Variants in MARCHF11 observed in about 807,000 individuals in gnomAD.
The protein encoded by MARCHF11 is E3 ubiquitin-protein ligase MARCHF11.
MARCHF11 carries 29 observed loss-of-function variants against 37.3 expected under a neutral mutation model. That is an observed-to-expected ratio of 0.78 (90% CI 0.58 to 1.06). MARCHF11 has a LOEUF of 1.06. Ranked by LOEUF, MARCHF11 falls within the 50% of genes least tolerant of loss-of-function variation. The probability of loss-of-function intolerance (pLI) is 0.00; values close to 1 mark genes in which losing one functional copy is unlikely to be tolerated. For synonymous variants in MARCHF11, 233 were observed against 228.0 expected, an observed-to-expected ratio of 1.02 and a Z score of -0.20; for missense variants, 482 against 533.4, an observed-to-expected ratio of 0.90 and a Z score of 0.95.
At chr5:16,073,974 C>T (rs1736476439) in intron 3 of MARCHF11, among the ~76,000 whole-genome samples, 1 of 152,164 alleles carries the variant, frequency 6.6e-6, no homozygotes, top group South Asian at 2.1e-4. Flanking sequence ...ATGAAACATT[C>T]TCCAAGATAG....
At chr5:16,129,806 G>C (rs543864079) in intron 2 of MARCHF11, among the ~76,000 whole-genome samples, 1 of 152,182 alleles carries the variant, frequency 6.6e-6, no homozygotes, top group South Asian at 2.1e-4. Flanking sequence ...AAATTCTTTT[G>C]TTTGAAATCA....
At position 16,067,750 on chromosome 5, in the gene MARCHF11, C is replaced by T. The variant is rs1579669578; in HGVS notation, c.930G>A (p.Lys310=). ...AGTGCAAATTCACAGCTCGCCAGCG[C>T]TTAAACACTCTGTAAACTGCAGCTC... The part of the protein sequence containing the change: ...HEGAAVYRVF[K]RWRAVNLHWD... Residue 310 remains lysine (K), a synonymous_variant, in exon 4 of 4, where the codon AAG becomes AAA. Transcript: ENST00000332432. The T allele has an allele frequency of 3.7e-6, 6 of 1,613,772 alleles. No homozygotes were observed. Among genetic ancestry groups the T allele is most frequent in the Non-Finnish European group, 5.1e-6 (6 of 1,179,818 alleles).
intron 2 of MARCHF11, among the ~76,000 whole-genome samples, chr5:16,169,979 G>C (rs1010569710): frequency 6.6e-6 from 1 of 152,186 alleles, no homozygotes. Context: ...CCAAGGCAAC[G>C]CAGGAAATTA....
At chr5:16,148,477 T>A (rs1737841640) in intron 2 of MARCHF11, among the ~76,000 whole-genome samples, 1 of 152,110 alleles carries the variant, frequency 6.6e-6, no homozygotes, top group Non-Finnish European at 1.5e-5. Flanking sequence ...TTGATCCTTG[T>A]ACAAAAGCAA....
At chr5:16,109,298 G>A (rs1737097749) in intron 2 of MARCHF11, among the ~76,000 whole-genome samples, 1 of 152,172 alleles carries the variant, frequency 6.6e-6, no homozygotes, top group Non-Finnish European at 1.5e-5. Flanking sequence ...CATGATTACA[G>A]GGCTAATGTT....
chr5:16,077,135 C>T (rs1446274404), intron 3 of MARCHF11, among the ~76,000 whole-genome samples: 2 of 152,138 alleles, frequency 1.3e-5, no homozygotes, highest in African/African-American at 2.4e-5. Context: ...CTATCAGTGT[C>T]TATCTTCTGT....
At chr5:16,147,268 C>T (rs1737814660) in intron 2 of MARCHF11, among the ~76,000 whole-genome samples, 1 of 152,248 alleles carries the variant, frequency 6.6e-6, no homozygotes, top group Non-Finnish European at 1.5e-5. Context: ...CTAAAGCCAG[C>T]TGACATTTAC....
chr5:16,108,196 T>C (rs1737077319), intron 2 of MARCHF11, among the ~76,000 whole-genome samples: 1 of 152,080 alleles, frequency 6.6e-6, no homozygotes, highest in Non-Finnish European at 1.5e-5. Context: ...CTAGACATAA[T>C]CAGAGCTGGA....
At chr5:16,117,472 C>A (rs1339161396) in intron 2 of MARCHF11, among the ~76,000 whole-genome samples, 5 of 152,176 alleles carry the variant, frequency 3.3e-5, no homozygotes, top group South Asian at 2.1e-4. Context: ...TTCATTTACA[C>A]CTCTGGAGAA....
Position 16,148,007 on chromosome 5 carries a change from G to T in MARCHF11, c.693+29719C>A, listed in dbSNP as rs547725904. 7.9e-5 allele frequency among the ~76,000 whole-genome samples: 12 copies of T among 152,166 alleles called. No homozygotes were observed. In the South Asian group the frequency reaches 2.5e-3, roughly 32 times the overall value. On this transcript the variant is annotated intron_variant, in intron 2 of 3. Transcript: ENST00000332432. ...AGAGAATATCTATGTCACCAAGTAG[G>T]CTACATGACACCAACACATCATGGG... is the stretch of plus-strand genomic sequence containing the variant.
intron 2 of MARCHF11, among the ~76,000 whole-genome samples, chr5:16,105,632 C>T (rs1579384488): frequency 6.6e-6 from 1 of 152,154 alleles, no homozygotes; most frequent in Non-Finnish European, 1.5e-5. Context: ...CCAATGGCTG[C>T]AGGGGATCCC....
chr5:16,144,388 C>T (rs1016658987), intron 2 of MARCHF11, among the ~76,000 whole-genome samples: 9 of 152,278 alleles, frequency 5.9e-5, no homozygotes, highest in South Asian at 2.1e-4. Flanking sequence ...TGTTATTCGT[C>T]GCGATGTTCA....
intron 2 of MARCHF11, among the ~76,000 whole-genome samples, chr5:16,132,759 A>G (rs1299993424): frequency 6.6e-6 from 1 of 152,212 alleles, no homozygotes; most frequent in Non-Finnish European, 1.5e-5. Context: ...GCTTTATAAG[A>G]AACAAGAACA....
chr5:16,109,142 G>A (rs954390433), intron 2 of MARCHF11, among the ~76,000 whole-genome samples: 11 of 124,870 alleles, frequency 8.8e-5, no homozygotes, highest in African/African-American at 1.3e-4. Context: ...ACACACACAC[G>A]TTTGGTCTTT....
In MARCHF11 at chr5:16,179,756, G is replaced by C. The variant is rs1738445556; in HGVS notation, c.-181C>G. ...AGGTTCTGCAGCTGCGGCGGCGGCAGGCGCGGCCGTTCGGTGGAGCCGCCG... is the reference window on the plus strand; with the variant it reads ...AGGTTCTGCAGCTGCGGCGGCGGCACGCGCGGCCGTTCGGTGGAGCCGCCG... On this transcript the variant is annotated 5_prime_UTR_variant, in exon 1 of 4. Transcript: ENST00000332432. 1 of 311,010 alleles carries C rather than the reference G, an allele frequency of 3.2e-6. No individual in the cohort carries two copies. The allele number at this position is 311,010 out of a possible 1,614,324, so 19.3% of individuals were successfully genotyped here. A position where few individuals can be genotyped will look rare whatever the true frequency, so the allele number is the denominator to read the frequency against.
At chr5:16,071,957 G>GTTT (rs59440529) in intron 3 of MARCHF11, among the ~76,000 whole-genome samples, 6 of 151,498 alleles carry the variant, frequency 4.0e-5, no homozygotes, top group African/African-American at 1.5e-4. Flanking sequence ...GTGTTTTTTT[G>GTTT]TTTTTTTTGT....
intron 2 of MARCHF11, among the ~76,000 whole-genome samples, chr5:16,099,821 A>T (rs1380240571): frequency 6.6e-6 from 1 of 152,190 alleles, no homozygotes; most frequent in Non-Finnish European, 1.5e-5. Flanking sequence ...TGTCTTGACA[A>T]GAGATCATCA....
chr5:16,174,896 G>C (rs1296589511), intron 2 of MARCHF11, among the ~76,000 whole-genome samples: 2 of 152,218 alleles, frequency 1.3e-5, no homozygotes, highest in African/African-American at 4.8e-5. Flanking sequence ...TCTTGAATCT[G>C]AGTTGGGCCT....
At chr5:16,088,345 T>C (rs1736734298) in intron 3 of MARCHF11, among the ~76,000 whole-genome samples, 1 of 152,208 alleles carries the variant, frequency 6.6e-6, no homozygotes, top group African/African-American at 2.4e-5. Flanking sequence ...TGGGTGACTC[T>C]TATTTTTATT....
Sources: allele counts gnomAD v4.1 joint callset (sites outside exome capture counted in the v4.1 genomes callset), GRCh38; gene constraint gnomAD v4.1.1; transcripts MANE v1.5; gene names NCBI Gene and HGNC (gene_info 2026-07-23, HGNC 2026-07-21).